The following FEZ1 variants were observed in gnomAD, a reference collection of about 807,000 sequenced individuals.
The protein encoded by FEZ1 is fasciculation and elongation protein zeta-1.
FEZ1 carries 20 observed loss-of-function variants against 49.3 expected under a neutral mutation model. The ratio of observed to expected loss-of-function variants is 0.41; its 90% CI spans 0.29 to 0.59. The LOEUF is 0.59. Among genes scored for constraint, FEZ1 ranks in the 20% least tolerant of loss-of-function variants. FEZ1 has a pLI of 0.36. For missense variants in FEZ1, 413 were observed against 476.0 expected, an observed-to-expected ratio of 0.87 and a Z score of 1.23; for synonymous variants, 170 against 180.9, an observed-to-expected ratio of 0.94 and a Z score of 0.48.
In FEZ1 at chr11:125,479,889, T is replaced by C. The variant is rs1418895428; in HGVS notation, c.411+1645A>G. Among the ~76,000 whole-genome samples, 6 of 152,204 alleles carry C rather than the reference T, an allele frequency of 3.9e-5. No individual in the cohort carries two copies. In the East Asian group the frequency reaches 1.2e-3, roughly 29 times the overall value. ...CCAAACTGACTAAGAAACCATTCCA[T>C]ATGTAGATTCAGATAGGAGGGGCAA... On this transcript the variant is annotated intron_variant, in intron 3 of 9. Coordinates refer to ENST00000278919, the MANE Select transcript of FEZ1 (RefSeq NM_005103.5).
In FEZ1 at chr11:125,464,605, GAGGTAGTCTATCCTC is replaced by G. The variant is rs1243944528; in HGVS notation, c.412-1050_412-1036del. Among the ~76,000 whole-genome samples the G allele has an allele frequency of 1.8e-4, 27 of 152,320 alleles. 1 individual carries two copies. Among genetic ancestry groups the G allele is most frequent in the African/African-American group, 6.0e-4 (25 of 41,562 alleles). ...AGCTCCAATCCAAGCAATAATGTCA[GAGGTAGTCTATCCTC>G]AGAAACTTCTCCCGTCTTCTGTGAG... On this transcript the variant is annotated intron_variant, in intron 3 of 9. Transcript: ENST00000278919.
At chr11:125,488,907 C>T (rs1957354242) in intron 2 of FEZ1, 1 of 985,306 alleles carries the variant, frequency 1.0e-6, no homozygotes, top group African/African-American at 1.7e-5. Flanking sequence ...TCTGCATACT[C>T]AAAGGCCACA....
At chr11:125,484,956 T>A (rs538731249) in intron 2 of FEZ1, among the ~76,000 whole-genome samples, 1 of 152,134 alleles carries the variant, frequency 6.6e-6, no homozygotes, top group Non-Finnish European at 1.5e-5. Flanking sequence ...GGGCTGTCTA[T>A]CCCATCATAT....
At chr11:125,468,919 G>C (rs1957158465) in intron 3 of FEZ1, 1 of 152,194 alleles carries the variant, frequency 6.6e-6, no homozygotes, top group African/African-American at 2.4e-5. Context: ...AGCTCAAAAG[G>C]ACTGTAGACT....
Position 125,452,356 on chromosome 11 carries a change from T to C in FEZ1, c.1074A>G (p.Glu358=). 6.2e-7 allele frequency: 1 copy of C among 1,612,678 alleles called. No individual in the cohort carries two copies. Among genetic ancestry groups the C allele is most frequent in the South Asian group, 1.1e-5 (1 of 91,054 alleles). ...YEKKASPPSV[E]DLQMLTNILF... is the part of the protein sequence containing the mutation. ...CACTGTTTGTCAGCATCTGCAGGTC[T>C]TCCACTGAGGGAGGAGAGGCTTTCT... Residue 358 remains glutamate (E), a synonymous_variant, in exon 8 of 10, where the codon GAA becomes GAG. Transcript: ENST00000278919.
intron 1 of FEZ1, among the ~76,000 whole-genome samples, chr11:125,491,842 C>CAA (rs1294440341): frequency 6.6e-6 from 1 of 152,158 alleles, no homozygotes; most frequent in Non-Finnish European, 1.5e-5. Context: ...CCTTTGAATA[C>CAA]AAAAATATAT....
intron 7 of FEZ1, 179 bp from the exon 8 acceptor site, chr11:125,452,588 G>T (rs1449753439): frequency 1.4e-5 from 8 of 555,906 alleles, no homozygotes; most frequent in African/African-American, 1.3e-4. Flanking sequence ...CTCTTTAAAA[G>T]TAAGACTTTC....
chr11:125,449,252 C>T (rs2135735572), intron 8 of FEZ1, among the ~76,000 whole-genome samples: 1 of 148,562 alleles, frequency 6.7e-6, no homozygotes, highest in East Asian at 2.0e-4. Context: ...TGCCATGTTG[C>T]CCAGGCTGGT....
At chr11:125,449,819 A>C (rs543662509) in intron 8 of FEZ1, among the ~76,000 whole-genome samples, 1 of 152,302 alleles carries the variant, frequency 6.6e-6, no homozygotes, top group African/African-American at 2.4e-5. Context: ...GACTAGTTTC[A>C]AGACAGGGTA....
intron 3 of FEZ1, among the ~76,000 whole-genome samples, chr11:125,470,618 A>G (rs1957175776): frequency 6.6e-6 from 1 of 152,202 alleles, no homozygotes; most frequent in Non-Finnish European, 1.5e-5. Flanking sequence ...CAGGCAGTGC[A>G]AGGCTGTGTG....
At position 125,459,691 on chromosome 11, in the gene FEZ1, A is replaced by C. The variant is rs1565534529; in HGVS notation, c.667+807T>G. Among the ~76,000 whole-genome samples the C allele has an allele frequency of 2.6e-5, 4 of 152,244 alleles. No individual in the cohort carries two copies. The South Asian group carries it at 8.3e-4, about 31-fold the overall frequency. ...TGAACAGGAAGGAAATCTCATTTCTAATCATATTTCCCTAACAGTGGCCTT... is the reference window on the plus strand; with the variant it reads ...TGAACAGGAAGGAAATCTCATTTCTCATCATATTTCCCTAACAGTGGCCTT... On this transcript the variant is annotated intron_variant, in intron 5 of 9. Coordinates refer to ENST00000278919, the MANE Select transcript of FEZ1 (RefSeq NM_005103.5).
At chr11:125,479,709 A>G (rs1315997292) in intron 3 of FEZ1, among the ~76,000 whole-genome samples, 3 of 152,236 alleles carry the variant, frequency 2.0e-5, no homozygotes, top group African/African-American at 4.8e-5. Context: ...GTGGGGACAC[A>G]GTGAGAAGGT....
At chr11:125,454,257 T>G in intron 6 of FEZ1, 47 bp from the exon 7 acceptor site, 1 of 1,463,194 alleles carries the variant, frequency 6.8e-7, no homozygotes, top group Non-Finnish European at 9.5e-7. Flanking sequence ...CTTGCTACAC[T>G]GTCACCACAC....
intron 2 of FEZ1, among the ~76,000 whole-genome samples, chr11:125,484,927 GT>G (rs1482656562): frequency 1.3e-5 from 2 of 152,138 alleles, no homozygotes; most frequent in East Asian, 3.9e-4. Flanking sequence ...ACAGCTTTCT[GT>G]GAGGAAGAGA....
At chr11:125,454,021 T>C in intron 7 of FEZ1, 109 bp downstream of exon 7, 1 of 584,714 alleles carries the variant, frequency 1.7e-6, no homozygotes, top group Non-Finnish European at 2.9e-6. Context: ...CCTAACCCCC[T>C]AAATAAATGC....
At position 125,446,063 on chromosome 11, in the gene FEZ1, C is replaced by G; in HGVS notation, c.*32G>C. On this transcript the variant is annotated 3_prime_UTR_variant, in exon 10 of 10. Transcript: ENST00000278919. Reference sequence around the variant, plus strand: ...GATGGAATGACTCTTGCTCAGTGACCTCCTGCAGCGAGGCTGCTCCAAAGG... The same window carrying G: ...GATGGAATGACTCTTGCTCAGTGACGTCCTGCAGCGAGGCTGCTCCAAAGG... 5 of 1,609,830 alleles carry G rather than the reference C, an allele frequency of 3.1e-6. No individual in the cohort carries two copies. The highest frequency in any genetic ancestry group is 3.4e-6 in the Non-Finnish European group (4 of 1,176,194).
rs915105094 is a variant in FEZ1 at position 125,443,881 on chromosome 11, C to T, written c.*2214G>A. ...GCAGCTTTGATTAGCTTGTCTCTGC[C>T]GCTTCAGACACCTGCTGGCAGGATA... On this transcript the variant is annotated 3_prime_UTR_variant, in exon 10 of 10. Transcript: ENST00000278919. Among the ~76,000 whole-genome samples, 15 of 152,136 alleles carry T rather than the reference C, an allele frequency of 9.9e-5. No homozygotes were observed. The highest frequency in any genetic ancestry group is 2.7e-4 in the African/African-American group (11 of 41,394).
intron 9 of FEZ1, among the ~76,000 whole-genome samples, chr11:125,448,062 G>C (rs1007762078): frequency 6.6e-6 from 1 of 152,178 alleles, no homozygotes; most frequent in Non-Finnish European, 1.5e-5. Context: ...GTACCTGAGA[G>C]TGTATTATGC....
intron 1 of FEZ1, among the ~76,000 whole-genome samples, chr11:125,493,366 GAAAGAAAGAA>G (rs1565306694): frequency 4.6e-5 from 1 of 21,826 alleles, no homozygotes; most frequent in South Asian, 1.9e-3. Flanking sequence ...AGAGAGAAAA[GAAAGAAAGAA>G]AGAAAGAAAG....
Sources: gnomAD v4.1 joint callset for allele counts (sites outside exome capture counted in the v4.1 genomes callset) on GRCh38, gnomAD v4.1.1 for gene constraint, MANE v1.5 for transcripts, NCBI Gene and HGNC (gene_info 2026-07-23, HGNC 2026-07-21) for gene names.